Variants in KDM5B observed in about 807,000 individuals in gnomAD.
KDM5B encodes the protein lysine-specific demethylase 5B.
Under a neutral mutation model 193.4 loss-of-function variants are expected in KDM5B, and 144 were observed. The observed-to-expected ratio is 0.74, with a 90% CI of 0.65 to 0.86. The LOEUF (loss-of-function observed/expected upper bound fraction) is 0.86, where lower values mean the gene tolerates loss of function less well. Ranked by LOEUF, KDM5B falls within the 40% of genes least tolerant of loss-of-function variation. The pLI is 0.00. For missense variants in KDM5B, 1,833 were observed against 1,886.9 expected (o/e 0.97, Z 0.53); for synonymous variants, 668 against 682.6 (o/e 0.98, Z 0.33).
At chr1:202,754,864 T>C (rs1298439351) in intron 11 of KDM5B, among the ~76,000 whole-genome samples, 1 of 152,178 alleles carries the variant, frequency 6.6e-6, no homozygotes, top group Non-Finnish European at 1.5e-5. Flanking sequence ...TTCATATTTT[T>C]AGTAAAGACG....
chr1:202,770,085 C>T (rs1656649214), intron 4 of KDM5B, among the ~76,000 whole-genome samples: 1 of 152,170 alleles, frequency 6.6e-6, no homozygotes, highest in African/African-American at 2.4e-5. Context: ...CTAAGAAAAT[C>T]ATGCCCTGTA....
At chr1:202,767,227 C>T in intron 4 of KDM5B, 167 bp from the exon 5 acceptor site, 2 of 1,577,160 alleles carry the variant, frequency 1.3e-6, no homozygotes, top group Non-Finnish European at 8.7e-7. Flanking sequence ...ACTGAAACAC[C>T]CTTATGTTTT....
At chr1:202,775,520 G>A (rs1656905445) in intron 2 of KDM5B, among the ~76,000 whole-genome samples, 1 of 88,080 alleles carries the variant, frequency 1.1e-5, no homozygotes, top group African/African-American at 2.7e-5. Context: ...CCAGGTGACA[G>A]TGCAAGACTC....
In KDM5B at chr1:202,752,954, T is replaced by C. The variant is rs1655851982; in HGVS notation, c.1652A>G (p.Gln551Arg). 1 of 1,614,140 alleles carries C rather than the reference T, an allele frequency of 6.2e-7. No individual in the cohort carries two copies. Among genetic ancestry groups the C allele is most frequent in the African/African-American group, 1.3e-5 (1 of 75,026 alleles). Residue 551 changes from glutamine to arginine, a missense_variant, in exon 12 of 27, where the codon CAG (glutamine) becomes CGG (arginine). Physicochemically the swap from Gln to Arg is conservative, Grantham distance 43 (BLOSUM62 1). This residue lies in a region of KDM5B where 1,379 missense variants were observed against 1,349.6 expected (regional missense o/e 1.02). Coordinates refer to ENST00000367265, the MANE Select transcript of KDM5B (RefSeq NM_006618.5). ...LFVSQPDLLH[Q>R]LVTIMNPNTL... ...ATTGGGGTTCATGATGGTCACAAGC[T>C]GATGGAGGAGATCCGGCTGGGACAC...
intron 1 of KDM5B, among the ~76,000 whole-genome samples, chr1:202,777,441 C>T (rs1657005218): frequency 6.7e-6 from 1 of 150,184 alleles, no homozygotes; most frequent in Middle Eastern, 3.5e-3. Flanking sequence ...TATATAACAG[C>T]TATATGTCTA....
chr1:202,762,815 G>A lies in KDM5B; in HGVS notation c.809-7C>T, dbSNP rs370301301. ...CTACTCTTCATTTCTTTCTCTGTAG[G>A]AGGCAATCCAAAATTAGCTCTTTAT... On this transcript the variant is annotated splice_polypyrimidine_tract_variant and splice_region_variant and intron_variant, in intron 6 of 26. Coordinates refer to ENST00000367265, the MANE Select transcript of KDM5B (RefSeq NM_006618.5). 6.6e-6 allele frequency: 10 copies of A among 1,508,528 alleles called. No homozygotes were observed. In the African/African-American group the frequency reaches 1.1e-4, roughly 17 times the overall value. The allele number at this position is 1,508,528 out of a possible 1,614,324, so 93.4% of individuals were successfully genotyped here.
chr1:202,749,430 G>A (rs770492991), intron 13 of KDM5B, among the ~76,000 whole-genome samples: 3 of 152,100 alleles, frequency 2.0e-5, no homozygotes, highest in African/African-American at 4.8e-5. Flanking sequence ...GGCGGTGCAC[G>A]CCTGTAGTCC....
intron 12 of KDM5B, among the ~76,000 whole-genome samples, chr1:202,752,206 T>C (rs1446658157): frequency 1.3e-5 from 2 of 152,244 alleles, no homozygotes; most frequent in Admixed American, 1.3e-4. Flanking sequence ...GTGCACCATG[T>C]AACAACATTT....
intron 1 of KDM5B, among the ~76,000 whole-genome samples, chr1:202,787,533 A>G (rs1466894874): frequency 6.6e-6 from 1 of 152,144 alleles, no homozygotes; most frequent in Non-Finnish European, 1.5e-5. Context: ...CTGGTTTAAT[A>G]TAAATAAACT....
intron 1 of KDM5B, among the ~76,000 whole-genome samples, chr1:202,786,678 G>A (rs1483342066): frequency 6.6e-6 from 1 of 152,096 alleles, no homozygotes. Context: ...CTTTTATTGG[G>A]GCAAAAGCTA....
At chr1:202,747,371 T>C (rs1655599040) in intron 14 of KDM5B, among the ~76,000 whole-genome samples, 1 of 152,082 alleles carries the variant, frequency 6.6e-6, no homozygotes, top group Non-Finnish European at 1.5e-5. Flanking sequence ...AAATTCCATA[T>C]ATGGAAAAAG....
At chr1:202,764,649 A>G (rs1656375568) in intron 5 of KDM5B, among the ~76,000 whole-genome samples, 1 of 151,882 alleles carries the variant, frequency 6.6e-6, no homozygotes, top group South Asian at 2.1e-4. Flanking sequence ...ACAAACAAAC[A>G]AACAAAAAAA....
chr1:202,782,140 T>C (rs901458419), intron 1 of KDM5B, among the ~76,000 whole-genome samples: 27 of 152,170 alleles, frequency 1.8e-4, no homozygotes, highest in Non-Finnish European at 3.4e-4. Flanking sequence ...AGAAATAGTT[T>C]GAGAAGATCA....
intron 3 of KDM5B, 115 bp downstream of exon 3, chr1:202,774,498 G>T: frequency 1.1e-6 from 1 of 901,588 alleles, no homozygotes; most frequent in Non-Finnish European, 1.7e-6. Flanking sequence ...AAAGTGCTGA[G>T]ATTACAGGTG....
chr1:202,804,595 CA>C (rs1658208350), intron 1 of KDM5B, among the ~76,000 whole-genome samples: 1 of 152,164 alleles, frequency 6.6e-6, no homozygotes, highest in African/African-American at 2.4e-5. Context: ...GGCAGTTTTA[CA>C]CTTGGCTATA....
At position 202,730,038 on chromosome 1, in the gene KDM5B, G is replaced by A; in HGVS notation, c.4177-11C>T. The A allele has an allele frequency of 2.5e-6, 4 of 1,591,604 alleles. No individual in the cohort carries two copies. The highest frequency in any genetic ancestry group is 3.4e-6 in the Non-Finnish European group (4 of 1,170,196). On this transcript the variant is annotated splice_polypyrimidine_tract_variant and intron_variant, in intron 25 of 26. Transcript: ENST00000367265. Reference sequence around the variant, plus strand: ...TCGGCAACAGTCATTCTGGGTGGAAGATAGGAAAGTTCAATTTTCGCCTAT... The same window carrying A: ...TCGGCAACAGTCATTCTGGGTGGAAAATAGGAAAGTTCAATTTTCGCCTAT...
intron 1 of KDM5B, chr1:202,795,893 G>A (rs1657825593): frequency 6.6e-6 from 1 of 152,068 alleles, no homozygotes; most frequent in Non-Finnish European, 1.5e-5. Context: ...TTGTCTAATT[G>A]TTGGTAAATA....
Position 202,746,211 on chromosome 1 carries a change from G to A in KDM5B, c.2129C>T (p.Pro710Leu), listed in dbSNP as rs895497649. 2.0e-5 allele frequency: 32 copies of A among 1,613,616 alleles called. No individual in the cohort carries two copies. Among genetic ancestry groups the A allele is most frequent in the Non-Finnish European group, 2.6e-5 (31 of 1,179,716 alleles). The stretch of plus-strand genomic sequence containing the variant: ...ATGATGCAGGCAAACAAGAAGGCCA[G>A]GTTTACAAGAACAGGAGATGGCAGA... ...FMSAISCSCK[P>L]GLLVCLHHVK... The change falls in exon 15 of 27, where the codon CCT becomes CTT. Residue 710 changes from proline (P) to leucine (L), a missense_variant. By Grantham distance (98) the Pro-to-Leu change is moderately conservative. This residue lies in a region of KDM5B where 1,379 missense variants were observed against 1,349.6 expected (regional missense o/e 1.02). Coordinates refer to ENST00000367265, the MANE Select transcript of KDM5B (RefSeq NM_006618.5).
chr1:202,755,190 T>G, intron 11 of KDM5B, 81 bp downstream of exon 11: 1 of 1,065,202 alleles, frequency 9.4e-7, no homozygotes, highest in South Asian at 1.4e-5. Flanking sequence ...TCAGACACAG[T>G]TAAGACACAT....
Sources: allele counts gnomAD v4.1 joint callset (sites outside exome capture counted in the v4.1 genomes callset), GRCh38; gene constraint gnomAD v4.1.1; regional missense constraint gnomAD v4.1.1; transcripts MANE v1.5; gene names NCBI Gene and HGNC (gene_info 2026-07-23, HGNC 2026-07-21).